The following FBXW10B variants were observed in gnomAD, a reference collection of about 807,000 sequenced individuals.
FBXW10B encodes the protein F-box and WD repeat domain containing protein 10B.
the FBXW10B span, among the ~76,000 whole-genome samples, chr17:15,616,834 AG>A: frequency 0.14 from 17,014 of 123,554 alleles, 2,263 homozygotes; most frequent in African/African-American, 0.28. Context: ...AAAAAAAAAA[AG>A]AAGAAGGTTG....
chr17:15,611,209 A>C, the FBXW10B span, among the ~76,000 whole-genome samples: 1,264 of 151,984 alleles, frequency 8.3e-3, 13 homozygotes, highest in South Asian at 0.03. Context: ...TTTTTAGTAG[A>C]GACAGGGTTT....
chr17:15,608,820 G>C, the FBXW10B span, among the ~76,000 whole-genome samples: 1 of 152,220 alleles, frequency 6.6e-6, no homozygotes, highest in Non-Finnish European at 1.5e-5. Flanking sequence ...GCCTTACAAA[G>C]TAGATCACTT....
the FBXW10B span, chr17:15,596,589 A>G: frequency 1.2e-5 from 20 of 1,612,232 alleles, no homozygotes; most frequent in South Asian, 1.5e-4. Flanking sequence ...TGTAGGTATC[A>G]TTGATCCTGG....
At chr17:15,600,281 A>G in the FBXW10B span, among the ~76,000 whole-genome samples, 1 of 149,760 alleles carries the variant, frequency 6.7e-6, no homozygotes, top group African/African-American at 2.5e-5. Flanking sequence ...AAAAACGATT[A>G]ATATGTCTTT....
chr17:15,598,432 T>C, the FBXW10B span: 1 of 1,602,154 alleles, frequency 6.2e-7, no homozygotes. Flanking sequence ...TGATAAAGAA[T>C]AAATGAGTGC....
the FBXW10B span, among the ~76,000 whole-genome samples, chr17:15,608,377 G>T: frequency 6.6e-5 from 10 of 151,350 alleles, no homozygotes; most frequent in East Asian, 1.6e-3. Context: ...AGCCAGGATG[G>T]TCTCGATCTC....
At chr17:15,575,450 G>A in the FBXW10B span, among the ~76,000 whole-genome samples, 7 of 149,782 alleles carry the variant, frequency 4.7e-5, no homozygotes, top group South Asian at 4.1e-4. Context: ...GCTCCATCCA[G>A]TTACTCTTCT....
the FBXW10B span, among the ~76,000 whole-genome samples, chr17:15,599,206 A>C: frequency 2.1e-5 from 3 of 143,944 alleles, no homozygotes; most frequent in African/African-American, 7.9e-5. Context: ...TTTACATCAT[A>C]GGGTTTTTGT....
At chr17:15,614,257 C>T in the FBXW10B span, among the ~76,000 whole-genome samples, 1 of 152,160 alleles carries the variant, frequency 6.6e-6, no homozygotes, top group Non-Finnish European at 1.5e-5. Context: ...GGCGCGATCT[C>T]GGCTCACTGC....
At chr17:15,618,843 C>G in the FBXW10B span, 1 of 985,196 alleles carries the variant, frequency 1.0e-6, no homozygotes, top group Non-Finnish European at 1.2e-6. Flanking sequence ...CTTTGGTAAA[C>G]AGGATCGGGT....
chr17:15,593,326 C>T, the FBXW10B span: 6 of 1,614,006 alleles, frequency 3.7e-6, no homozygotes, highest in Non-Finnish European at 3.4e-6. Flanking sequence ...ACCTCCACAC[C>T]TACCACCCAC....
chr17:15,578,826 C>T, the FBXW10B span, among the ~76,000 whole-genome samples: 1 of 151,984 alleles, frequency 6.6e-6, no homozygotes, highest in African/African-American at 2.4e-5. Context: ...CCACGTACTC[C>T]CCTCTGAATA....
At chr17:15,578,672 AGACT>A in the FBXW10B span, among the ~76,000 whole-genome samples, 1 of 152,118 alleles carries the variant, frequency 6.6e-6, no homozygotes, top group Non-Finnish European at 1.5e-5. Flanking sequence ...TTAGAAAAAC[AGACT>A]AAGAGATTGG....
chr17:15,604,545 G>T, the FBXW10B span, among the ~76,000 whole-genome samples: 2 of 151,972 alleles, frequency 1.3e-5, no homozygotes, highest in Admixed American at 6.6e-5. Flanking sequence ...TTGTTTTTGG[G>T]TTTTTTTGAG....
the FBXW10B span, among the ~76,000 whole-genome samples, chr17:15,578,166 C>A: frequency 1.3e-5 from 2 of 152,038 alleles, no homozygotes; most frequent in African/African-American, 4.8e-5. Context: ...TCAGAGATGG[C>A]AAAATAATGG....
At chr17:15,589,482 G>A in the FBXW10B span, among the ~76,000 whole-genome samples, 1 of 151,242 alleles carries the variant, frequency 6.6e-6, no homozygotes, top group South Asian at 2.1e-4. Context: ...TTCATCTCAC[G>A]AGCCAGCCTC....
At chr17:15,571,770 G>A in the FBXW10B span, 3 of 152,272 alleles carry the variant, frequency 2.0e-5, no homozygotes, top group Admixed American at 6.5e-5. Flanking sequence ...AACAAATTAC[G>A]GCTGAAATAC....
the FBXW10B span, among the ~76,000 whole-genome samples, chr17:15,584,035 GT>G: frequency 6.6e-6 from 1 of 152,026 alleles, no homozygotes; most frequent in Non-Finnish European, 1.5e-5. Flanking sequence ...CAGCCTGACA[GT>G]ACGTGTCAAA....
At chr17:15,588,356 A>G in the FBXW10B span, 1 of 185,274 alleles carries the variant, frequency 5.4e-6, no homozygotes, top group Non-Finnish European at 1.2e-5. Context: ...AATAAAGTAT[A>G]AATACAGGGG....
Sources: allele counts gnomAD v4.1 joint callset (sites outside exome capture counted in the v4.1 genomes callset), GRCh38; gene constraint gnomAD v4.1.1; transcripts MANE v1.5; gene names NCBI Gene and HGNC (gene_info 2026-07-23, HGNC 2026-07-21).